GRM1: variants seen among roughly 807,000 people sequenced by gnomAD.
The protein encoded by GRM1 is glutamate metabotropic receptor 1, also known as metabotropic glutamate receptor 1.
A neutral mutation model predicts 90.9 loss-of-function variants in GRM1; 33 were observed. The ratio of observed to expected loss-of-function variants is 0.36; its 90% CI spans 0.28 to 0.49. The LOEUF (loss-of-function observed/expected upper bound fraction) is 0.49. Ranked by LOEUF, GRM1 falls within the 20% of genes least tolerant of loss-of-function variation. The probability of loss-of-function intolerance (pLI) is 0.99; values close to 1 mark genes in which losing one functional copy is unlikely to be tolerated. For synonymous variants in GRM1, 700 were observed against 613.2 expected, an observed-to-expected ratio of 1.14 and a Z score of -2.09; for missense variants, 1,190 against 1,534.3, an observed-to-expected ratio of 0.78 and a Z score of 3.75.
chr6:146,397,484 G>GAAAAAAAAAAAAAA (rs577471775), intron 6 of GRM1, among the ~76,000 whole-genome samples: 2 of 45,022 alleles, frequency 4.4e-5, no homozygotes, highest in African/African-American at 7.2e-5. Flanking sequence ...AAAAAAAAAA[G>GAAAAAAAAAAAAAA]AAAAAAAAAA....
chr6:146,216,632 G>A (rs1158503778), intron 2 of GRM1, among the ~76,000 whole-genome samples: 1 of 152,186 alleles, frequency 6.6e-6, no homozygotes, highest in Non-Finnish European at 1.5e-5. Flanking sequence ...CAGAAACTGG[G>A]GCTAATGCAA....
rs2114709772 is a variant in GRM1 at position 146,436,913 on chromosome 6, T to C, written c.*2117T>C. 6.5e-6 allele frequency: 1 copy of C among 152,774 alleles called. No individual in the cohort carries two copies. The highest frequency in any genetic ancestry group is 1.9e-4 in the East Asian group (1 of 5,188). The allele number at this position is 152,774 out of a possible 1,614,324, so 9.5% of individuals were successfully genotyped here. A position where few individuals can be genotyped will look rare whatever the true frequency, so the allele number is the denominator to read the frequency against. On this transcript the variant is annotated 3_prime_UTR_variant, in exon 8 of 8. Coordinates refer to ENST00000282753, the MANE Select transcript of GRM1 (RefSeq NM_001278064.2). ...TCCATTCCAATGTTGGAGGCTTGTATTACTTATATTTCATCATATTCTATT... is the reference window on the plus strand; with the variant it reads ...TCCATTCCAATGTTGGAGGCTTGTACTACTTATATTTCATCATATTCTATT...
chr6:146,240,434 TG>T (rs1320698489), intron 2 of GRM1, among the ~76,000 whole-genome samples: 1 of 149,530 alleles, frequency 6.7e-6, no homozygotes, highest in Non-Finnish European at 1.5e-5. Flanking sequence ...TACTGGAAAC[TG>T]GTACTATCTG....
intron 2 of GRM1, among the ~76,000 whole-genome samples, chr6:146,286,932 T>C (rs1479045656): frequency 2.0e-5 from 3 of 152,164 alleles, no homozygotes; most frequent in South Asian, 4.1e-4. Context: ...GGGGAAAATA[T>C]AATGAAAATA....
At chr6:146,270,869 CTT>C in intron 2 of GRM1, among the ~76,000 whole-genome samples, 1 of 77,920 alleles carries the variant, frequency 1.3e-5, no homozygotes, top group Middle Eastern at 5.1e-3. Context: ...TTCTTTCTTT[CTT>C]TCTTTCTTTC....
At chr6:146,212,735 A>C (rs1779722493) in intron 2 of GRM1, among the ~76,000 whole-genome samples, 1 of 152,198 alleles carries the variant, frequency 6.6e-6, no homozygotes, top group Non-Finnish European at 1.5e-5. Flanking sequence ...TCAAAGATCA[A>C]AAACTGGACC....
At chr6:146,154,857 G>A (rs1020226560) in intron 1 of GRM1, among the ~76,000 whole-genome samples, 4 of 152,110 alleles carry the variant, frequency 2.6e-5, no homozygotes, top group African/African-American at 9.7e-5. Flanking sequence ...TGCCAACACT[G>A]AATATTATTA....
chr6:146,091,577 C>G (rs1322569922), intron 1 of GRM1, among the ~76,000 whole-genome samples: 1 of 151,978 alleles, frequency 6.6e-6, no homozygotes, highest in East Asian at 1.9e-4. Context: ...AGGGAGCAGC[C>G]AGGGAATCCA....
At chr6:146,155,764 C>T (rs145932259) in intron 1 of GRM1, among the ~76,000 whole-genome samples, 1 of 152,180 alleles carries the variant, frequency 6.6e-6, no homozygotes. Context: ...CCAACTTCAT[C>T]TCTTCTCACT....
intron 2 of GRM1, among the ~76,000 whole-genome samples, chr6:146,275,006 G>T (rs910710786): frequency 3.6e-4 from 55 of 151,936 alleles, no homozygotes; most frequent in African/African-American, 1.3e-3. Flanking sequence ...CTCCAGCCTG[G>T]GTGACAGAGT....
intron 1 of GRM1, among the ~76,000 whole-genome samples, chr6:146,150,944 A>ACACACACACAC (rs1259982849): frequency 6.7e-6 from 1 of 149,144 alleles, no homozygotes; most frequent in Non-Finnish European, 1.5e-5. Context: ...GCGCGCACAC[A>ACACACACACAC]CACACACACA....
chr6:146,243,687 T>A (rs1583213432), intron 2 of GRM1, among the ~76,000 whole-genome samples: 1 of 152,158 alleles, frequency 6.6e-6, no homozygotes, highest in South Asian at 2.1e-4. Flanking sequence ...CTAATGAAGT[T>A]GCATGTTCCA....
chr6:146,220,714 A>C (rs762413777), intron 2 of GRM1, among the ~76,000 whole-genome samples: 1 of 152,078 alleles, frequency 6.6e-6, no homozygotes, highest in Non-Finnish European at 1.5e-5. Context: ...CTGGGAAGAC[A>C]GACACTGTCC....
intron 2 of GRM1, among the ~76,000 whole-genome samples, chr6:146,173,218 G>C (rs1346179824): frequency 1.3e-5 from 2 of 151,456 alleles, no homozygotes; most frequent in African/African-American, 4.9e-5. Context: ...GAGAAACCCC[G>C]TCTCTACTAA....
intron 2 of GRM1, among the ~76,000 whole-genome samples, chr6:146,272,227 G>A (rs1476389697): frequency 6.6e-6 from 1 of 152,130 alleles, no homozygotes; most frequent in South Asian, 2.1e-4. Flanking sequence ...GGATTCTTTT[G>A]AGCTCATCAT....
At chr6:146,137,382 G>A (rs2128882364) in intron 1 of GRM1, among the ~76,000 whole-genome samples, 1 of 152,220 alleles carries the variant, frequency 6.6e-6, no homozygotes, top group East Asian at 1.9e-4. Context: ...TCTGCATATG[G>A]ATACCCAGTT....
At chr6:146,265,113 T>G (rs1781832100) in intron 2 of GRM1, among the ~76,000 whole-genome samples, 3 of 152,148 alleles carry the variant, frequency 2.0e-5, no homozygotes. Context: ...CGCTACACTG[T>G]TTTTCATAGA....
At chr6:146,413,490 A>C (rs1194226200) in intron 7 of GRM1, among the ~76,000 whole-genome samples, 2 of 152,084 alleles carry the variant, frequency 1.3e-5, no homozygotes, top group South Asian at 2.1e-4. Context: ...TTCTTTGTCA[A>C]GAATTCCTAG....
At chr6:146,141,831 T>A (rs555239124) in intron 1 of GRM1, among the ~76,000 whole-genome samples, 1 of 152,328 alleles carries the variant, frequency 6.6e-6, no homozygotes, top group Admixed American at 6.5e-5. Context: ...AAAACGGCTA[T>A]TTGGAATTCT....
Sources: gnomAD v4.1 joint callset for allele counts (sites outside exome capture counted in the v4.1 genomes callset) on GRCh38, gnomAD v4.1.1 for gene constraint, MANE v1.5 for transcripts, NCBI Gene and HGNC (gene_info 2026-07-23, HGNC 2026-07-21) for gene names.